OTUD7A: variants seen among roughly 807,000 people sequenced by gnomAD.
The protein encoded by OTUD7A is OTU domain-containing protein 7A.
A neutral mutation model predicts 65.7 loss-of-function variants in OTUD7A; 12 were observed. The observed-to-expected ratio is 0.18, with a 90% CI of 0.12 to 0.30. The LOEUF (loss-of-function observed/expected upper bound fraction) is 0.30, where lower values mean the gene tolerates loss of function less well. OTUD7A is among the 10% of genes least tolerant of loss of function. The pLI is 1.00. For synonymous variants in OTUD7A, 641 were observed against 586.3 expected (o/e 1.09, Z -1.35); for missense variants, 1,148 against 1,304.8 (o/e 0.88, Z 1.85).
intron 12 of OTUD7A, among the ~76,000 whole-genome samples, chr15:31,486,843 C>T (rs2141064918): frequency 6.6e-6 from 1 of 152,380 alleles, no homozygotes; most frequent in South Asian, 2.1e-4. Context: ...TTGCCTGTGG[C>T]TTGTTTTCTG....
chr15:31,723,581 A>G (rs1893806929), intron 1 of OTUD7A, among the ~76,000 whole-genome samples: 1 of 126,002 alleles, frequency 7.9e-6, no homozygotes, highest in Non-Finnish European at 1.7e-5. Flanking sequence ...TGTTTTTCCT[A>G]TGCCATAGAT....
intron 1 of OTUD7A, among the ~76,000 whole-genome samples, chr15:31,756,707 A>G (rs1314715658): frequency 6.6e-6 from 1 of 151,948 alleles, no homozygotes; most frequent in Non-Finnish European, 1.5e-5. Flanking sequence ...ACTCTGAACC[A>G]GCTCAAGTTA....
chr15:31,668,218 C>T (rs573338258), intron 1 of OTUD7A, among the ~76,000 whole-genome samples: 2 of 152,308 alleles, frequency 1.3e-5, no homozygotes, highest in South Asian at 4.1e-4. Flanking sequence ...AGTTTTCCTC[C>T]ATTATTCCCC....
chr15:31,518,749 T>A (rs150558263), intron 8 of OTUD7A, among the ~76,000 whole-genome samples: 1 of 152,216 alleles, frequency 6.6e-6, no homozygotes, highest in African/African-American at 2.4e-5. Flanking sequence ...CTCTCTCAGG[T>A]AGGGCCCTGC....
chr15:31,725,542 G>C (rs1268113791), intron 1 of OTUD7A, among the ~76,000 whole-genome samples: 1 of 152,162 alleles, frequency 6.6e-6, no homozygotes, highest in African/African-American at 2.4e-5. Context: ...TATTTGTGTA[G>C]CAAAAAGACT....
At chr15:31,561,927 A>G (rs1394900399) in intron 4 of OTUD7A, among the ~76,000 whole-genome samples, 2 of 152,252 alleles carry the variant, frequency 1.3e-5, no homozygotes, top group Non-Finnish European at 2.9e-5. Context: ...ATTAGAAAAC[A>G]AAACAAAACA....
In OTUD7A at chr15:31,570,095, T is replaced by C; in HGVS notation, c.254A>G (p.Lys85Arg). The C allele has an allele frequency of 1.2e-6, 2 of 1,614,202 alleles. No homozygotes were observed. Among genetic ancestry groups the C allele is most frequent in the East Asian group, 2.2e-5 (1 of 44,882 alleles). ...PHVFNEGRGP[K>R]QPEREPQPGH... ...GGGCTGTGGCTCTCGCTCTGGCTGCTTGGGACCCCGCCCTTCATTGAACAC... is the reference window on the plus strand; with the variant it reads ...GGGCTGTGGCTCTCGCTCTGGCTGCCTGGGACCCCGCCCTTCATTGAACAC... Residue 85 changes from lysine (K) to arginine (R), a missense_variant, in exon 4 of 13, where the codon AAG (lysine) becomes AGG (arginine). Coordinates refer to ENST00000307050, the MANE Select transcript of OTUD7A (RefSeq NM_001382637.1).
intron 10 of OTUD7A, among the ~76,000 whole-genome samples, chr15:31,500,237 C>T (rs80233534): frequency 0.014 from 2,155 of 152,344 alleles, 29 homozygotes; most frequent in Non-Finnish European, 0.023. Context: ...TTCCGCATTC[C>T]GGATTGAAAG....
At chr15:31,655,793 A>AAAGACTAT (rs939313803) in intron 2 of OTUD7A, among the ~76,000 whole-genome samples, 1 of 152,226 alleles carries the variant, frequency 6.6e-6, no homozygotes, top group Non-Finnish European at 1.5e-5. Flanking sequence ...GATGAGGAAA[A>AAAGACTAT]AAGACTATTT....
At chr15:31,537,992 G>A (rs1359902821) in intron 5 of OTUD7A, among the ~76,000 whole-genome samples, 3 of 152,184 alleles carry the variant, frequency 2.0e-5, no homozygotes, top group Non-Finnish European at 4.4e-5. Context: ...GGCTTTTCAG[G>A]CAAGCCTCCT....
intron 1 of OTUD7A, among the ~76,000 whole-genome samples, chr15:31,714,138 C>A (rs1244641892): frequency 6.7e-6 from 1 of 148,338 alleles, no homozygotes; most frequent in African/African-American, 2.4e-5. Flanking sequence ...ACCTACACAA[C>A]CAAAATGTGT....
At chr15:31,534,678 A>G (rs1382777917) in intron 5 of OTUD7A, among the ~76,000 whole-genome samples, 7 of 152,248 alleles carry the variant, frequency 4.6e-5, no homozygotes, top group Non-Finnish European at 8.8e-5. Flanking sequence ...ACAAAAAACC[A>G]TAACTAATAA....
At chr15:31,755,034 T>C (rs537662990) in intron 1 of OTUD7A, among the ~76,000 whole-genome samples, 2 of 151,220 alleles carry the variant, frequency 1.3e-5, no homozygotes, top group Non-Finnish European at 2.9e-5. Context: ...TGTGTGTGTG[T>C]GATTATGTGT....
At chr15:31,815,917 C>T (rs1896537120) in intron 1 of OTUD7A, among the ~76,000 whole-genome samples, 1 of 152,210 alleles carries the variant, frequency 6.6e-6, no homozygotes. Context: ...AGAAAGGTCC[C>T]CACCATGTTC....
At chr15:31,646,588 G>C (rs935852845) in intron 3 of OTUD7A, among the ~76,000 whole-genome samples, 8 of 151,812 alleles carry the variant, frequency 5.3e-5, no homozygotes, top group African/African-American at 1.7e-4. Flanking sequence ...AGCCTCTTGA[G>C]TAGCTGGGAT....
chr15:31,830,836 A>G (rs1313736989), intron 1 of OTUD7A, among the ~76,000 whole-genome samples: 2 of 152,240 alleles, frequency 1.3e-5, no homozygotes, highest in African/African-American at 4.8e-5. Flanking sequence ...ATGCACAAGG[A>G]AAGTGAGTGT....
At chr15:31,538,951 T>C (rs770360070) in intron 5 of OTUD7A, among the ~76,000 whole-genome samples, 2 of 152,202 alleles carry the variant, frequency 1.3e-5, no homozygotes, top group Non-Finnish European at 1.5e-5. Context: ...AAATACATTA[T>C]ATATTCAAAT....
At chr15:31,518,861 C>T (rs2041900099) in intron 8 of OTUD7A, among the ~76,000 whole-genome samples, 2 of 152,222 alleles carry the variant, frequency 1.3e-5, no homozygotes, top group East Asian at 3.8e-4. Flanking sequence ...CAGACAGGCA[C>T]CTTTTACAAA....
intron 3 of OTUD7A, among the ~76,000 whole-genome samples, chr15:31,626,994 G>A (rs1201329577): frequency 6.6e-6 from 1 of 151,020 alleles, no homozygotes; most frequent in Non-Finnish European, 1.5e-5. Context: ...TCAGCAAGTT[G>A]TAATCTTGCT....
Sources: gnomAD v4.1 joint callset for allele counts (sites outside exome capture counted in the v4.1 genomes callset) on GRCh38, gnomAD v4.1.1 for gene constraint, MANE v1.5 for transcripts, NCBI Gene and HGNC (gene_info 2026-07-23, HGNC 2026-07-21) for gene names.